KCND2: variants seen among roughly 807,000 people sequenced by gnomAD.
The protein encoded by KCND2 is potassium voltage-gated channel subfamily D member 2.
Under a neutral mutation model 54.4 loss-of-function variants are expected in KCND2, and 16 were observed. That is an observed-to-expected ratio of 0.29 (90% CI 0.20 to 0.45). KCND2 has a LOEUF of 0.45. KCND2 is among the 20% of genes least tolerant of loss of function. The pLI, the probability that KCND2 is intolerant of heterozygous loss-of-function variation, is 1.00. For missense variants in KCND2, 486 were observed against 824.2 expected, an observed-to-expected ratio of 0.59 and a Z score of 5.02; for synonymous variants, 317 against 310.7, an observed-to-expected ratio of 1.02 and a Z score of -0.21.
chr7:120,690,240 G>GA (rs957349070), intron 1 of KCND2, among the ~76,000 whole-genome samples: 11 of 151,468 alleles, frequency 7.3e-5, no homozygotes, highest in Non-Finnish European at 1.5e-4. Context: ...AAGGCATACA[G>GA]AAAAAAAATA....
intron 1 of KCND2, among the ~76,000 whole-genome samples, chr7:120,594,243 GCA>G (rs2116461901): frequency 6.6e-6 from 1 of 152,254 alleles, no homozygotes; most frequent in African/African-American, 2.4e-5. Flanking sequence ...CACAGTAAAG[GCA>G]CACACTGAAC....
intron 1 of KCND2, among the ~76,000 whole-genome samples, chr7:120,321,691 T>G (rs1799894969): frequency 6.6e-6 from 1 of 152,148 alleles, no homozygotes; most frequent in South Asian, 2.1e-4. Flanking sequence ...TTTCTTCCAT[T>G]TATTGACTTT....
chr7:120,625,361 T>C (rs901686366), intron 1 of KCND2, among the ~76,000 whole-genome samples: 2 of 152,216 alleles, frequency 1.3e-5, no homozygotes, highest in Admixed American at 1.3e-4. Flanking sequence ...TGGATTTTTC[T>C]CTAAGCTTTG....
chr7:120,283,414 A>C (rs1003191105), intron 1 of KCND2, among the ~76,000 whole-genome samples: 1 of 152,182 alleles, frequency 6.6e-6, no homozygotes. Flanking sequence ...AAACATTTAA[A>C]ACATTTTTAA....
intron 1 of KCND2, among the ~76,000 whole-genome samples, chr7:120,629,220 G>A (rs1344340434): frequency 6.6e-6 from 1 of 152,220 alleles, no homozygotes; most frequent in Non-Finnish European, 1.5e-5. Flanking sequence ...GGGCACAGTG[G>A]CTCACGCCTG....
chr7:120,450,351 G>A (rs1474294994), intron 1 of KCND2, among the ~76,000 whole-genome samples: 2 of 152,182 alleles, frequency 1.3e-5, no homozygotes, highest in Non-Finnish European at 2.9e-5. Flanking sequence ...TGAGGTTGCA[G>A]TGAGCCGAGA....
At chr7:120,478,705 A>G (rs1802564087) in intron 1 of KCND2, among the ~76,000 whole-genome samples, 1 of 152,120 alleles carries the variant, frequency 6.6e-6, no homozygotes, top group Non-Finnish European at 1.5e-5. Flanking sequence ...AGCCCTACTA[A>G]CAATTCATAT....
intron 1 of KCND2, among the ~76,000 whole-genome samples, chr7:120,486,834 G>A (rs570223962): frequency 2.6e-5 from 4 of 151,772 alleles, no homozygotes; most frequent in East Asian, 3.9e-4. Context: ...CAAAATATAT[G>A]GGACTAGAGC....
intron 1 of KCND2, among the ~76,000 whole-genome samples, chr7:120,615,566 G>A (rs1488666470): frequency 6.6e-6 from 1 of 152,080 alleles, no homozygotes; most frequent in African/African-American, 2.4e-5. Context: ...GCTTTCCTAG[G>A]GTGCATCCTT....
chr7:120,371,356 A>AT (rs1379375521), intron 1 of KCND2, among the ~76,000 whole-genome samples: 5 of 152,020 alleles, frequency 3.3e-5, no homozygotes, highest in African/African-American at 4.8e-5. Context: ...ATCTGCTGAC[A>AT]TTTTCCAAAG....
intron 1 of KCND2, among the ~76,000 whole-genome samples, chr7:120,432,958 A>C (rs1283308921): frequency 6.6e-6 from 1 of 152,042 alleles, no homozygotes; most frequent in Admixed American, 6.6e-5. Flanking sequence ...GCCAAATCTC[A>C]ACTCCTCATC....
intron 1 of KCND2, among the ~76,000 whole-genome samples, chr7:120,701,816 A>T (rs985413103): frequency 3.3e-5 from 5 of 152,178 alleles, no homozygotes; most frequent in Non-Finnish European, 5.9e-5. Flanking sequence ...CTCAAGAAAG[A>T]TTAAAGACTT....
chr7:120,396,448 T>C (rs1321186664), intron 1 of KCND2, among the ~76,000 whole-genome samples: 1 of 152,086 alleles, frequency 6.6e-6, no homozygotes, highest in African/African-American at 2.4e-5. Context: ...TTTAGGTTAG[T>C]TGTAATTGTT....
chr7:120,346,729 A>C (rs968904448), intron 1 of KCND2, among the ~76,000 whole-genome samples: 8 of 150,936 alleles, frequency 5.3e-5, no homozygotes, highest in Non-Finnish European at 1.0e-4. Context: ...CTCTTTCTCT[A>C]AATCCCTTTA....
chr7:120,365,050 G>A (rs779256265), intron 1 of KCND2, among the ~76,000 whole-genome samples: 11 of 151,946 alleles, frequency 7.2e-5, no homozygotes, highest in Non-Finnish European at 1.2e-4. Context: ...TGCATTTAAA[G>A]ACATTAATAA....
At chr7:120,710,700 A>G in intron 1 of KCND2, among the ~76,000 whole-genome samples, 1 of 152,150 alleles carries the variant, frequency 6.6e-6, no homozygotes, top group Non-Finnish European at 1.5e-5. Context: ...GATTGTATAA[A>G]AAAAAATTAA....
chr7:120,737,526 AG>A (rs1454802054), intron 2 of KCND2, among the ~76,000 whole-genome samples: 1 of 151,958 alleles, frequency 6.6e-6, no homozygotes, highest in East Asian at 1.9e-4. Flanking sequence ...TGCCATCTCC[AG>A]GATTAACCAA....
chr7:120,516,432 C>G (rs944748740), intron 1 of KCND2, among the ~76,000 whole-genome samples: 5 of 152,040 alleles, frequency 3.3e-5, no homozygotes, highest in African/African-American at 1.2e-4. Context: ...TTAGTCCAGT[C>G]TTACTTTTTT....
chr7:120,689,943 G>T (rs1288306873), intron 1 of KCND2, among the ~76,000 whole-genome samples: 2 of 152,176 alleles, frequency 1.3e-5, no homozygotes, highest in Admixed American at 6.5e-5. Flanking sequence ...GCTAGTGCCT[G>T]TCTCTCAAAC....
Sources: gnomAD v4.1 joint callset for allele counts (sites outside exome capture counted in the v4.1 genomes callset) on GRCh38, gnomAD v4.1.1 for gene constraint, MANE v1.5 for transcripts, NCBI Gene and HGNC (gene_info 2026-07-23, HGNC 2026-07-21) for gene names.